The following ADGRB3 variants were observed in gnomAD, a reference collection of about 807,000 sequenced individuals.
ADGRB3 encodes the protein brain-specific angiogenesis inhibitor 3.
A neutral mutation model predicts 193.4 loss-of-function variants in ADGRB3; 37 were observed. The ratio of observed to expected loss-of-function variants is 0.19; its 90% CI spans 0.15 to 0.25. The LOEUF (loss-of-function observed/expected upper bound fraction) is 0.25, where lower values mean the gene tolerates loss of function less well. ADGRB3 is among the 10% of genes least tolerant of loss of function. ADGRB3 has a pLI of 1.00. For synonymous variants in ADGRB3, 690 were observed against 644.2 expected (o/e 1.07, Z -1.08); for missense variants, 1,637 against 1,852.9 (o/e 0.88, Z 2.14).
At chr6:68,917,955 CTTATT>C (rs1766928521) in intron 3 of ADGRB3, among the ~76,000 whole-genome samples, 1 of 152,096 alleles carries the variant, frequency 6.6e-6, no homozygotes, top group Non-Finnish European at 1.5e-5. Flanking sequence ...TTTAATATAA[CTTATT>C]TTAAGTCAAT....
At chr6:68,878,724 AT>A (rs1187327741) in intron 3 of ADGRB3, among the ~76,000 whole-genome samples, 3 of 152,142 alleles carry the variant, frequency 2.0e-5, no homozygotes, top group African/African-American at 7.2e-5. Context: ...ATGTATGTCC[AT>A]TTTCACACTA....
chr6:69,077,150 A>G (rs1265455213), intron 17 of ADGRB3, among the ~76,000 whole-genome samples: 2 of 152,042 alleles, frequency 1.3e-5, no homozygotes, highest in Non-Finnish European at 2.9e-5. Flanking sequence ...CCCTGTTGAT[A>G]ACATGAGCTG....
chr6:69,098,931 TTC>T (rs1301075302), intron 17 of ADGRB3, among the ~76,000 whole-genome samples: 4 of 152,260 alleles, frequency 2.6e-5, no homozygotes, highest in Non-Finnish European at 5.9e-5. Flanking sequence ...TGCCAACTAA[TTC>T]TCTGAGAACT....
chr6:68,897,764 G>A lies in ADGRB3; in HGVS notation c.758-32795G>A, dbSNP rs866143394. ...GAGGAAGGAAGGGAGGGAGGAAAAG[G>A]GAGGGAGGAAGGAAGGAAGGAAGGG... On this transcript the variant is annotated intron_variant, in intron 3 of 31. Coordinates refer to ENST00000370598, the MANE Select transcript of ADGRB3 (RefSeq NM_001704.3). Among the ~76,000 whole-genome samples the A allele has an allele frequency of 2.6e-3, 357 of 139,418 alleles. 11 individuals carry two copies. The highest frequency in any genetic ancestry group is 8.1e-3 in the African/African-American group (304 of 37,656). 91.5% of individuals were successfully genotyped at this position (139,418 alleles called of 152,430 possible).
Position 68,650,886 on chromosome 6 carries a change from T to C in ADGRB3, c.757+11454T>C, listed in dbSNP as rs568438067. ...GGCTGACTTTTCTTCTAGACTTCTATTGAAACAGCTTTATGATTTTTTTTG... is the reference window on the plus strand; with the variant it reads ...GGCTGACTTTTCTTCTAGACTTCTACTGAAACAGCTTTATGATTTTTTTTG... On this transcript the variant is annotated intron_variant, in intron 3 of 31. Coordinates refer to ENST00000370598, the MANE Select transcript of ADGRB3 (RefSeq NM_001704.3). Among the ~76,000 whole-genome samples the C allele has an allele frequency of 1.8e-4, 28 of 152,308 alleles. No individual in the cohort carries two copies. The South Asian group carries it at 5.0e-3, about 27-fold the overall frequency.
In ADGRB3 at chr6:68,944,522, G is replaced by A. The variant is rs554940667; in HGVS notation, c.1195+528G>A. The stretch of plus-strand genomic sequence containing the variant: ...TTTATGGGATTATGAAGTCTATACA[G>A]TCTGTTCTTAGAGTGTATTTATGTT... On this transcript the variant is annotated intron_variant, in intron 6 of 31. Coordinates refer to ENST00000370598, the MANE Select transcript of ADGRB3 (RefSeq NM_001704.3). Among the ~76,000 whole-genome samples the A allele has an allele frequency of 3.3e-5, 5 of 152,090 alleles. No homozygotes were observed. The South Asian group carries it at 8.3e-4, about 25-fold the overall frequency.
At chr6:69,215,798 T>G (rs1017969295) in intron 17 of ADGRB3, among the ~76,000 whole-genome samples, 1 of 152,212 alleles carries the variant, frequency 6.6e-6, no homozygotes, top group Non-Finnish European at 1.5e-5. Context: ...AAACCAAATT[T>G]CTCTGGCTTG....
chr6:69,324,758 A>G, intron 20 of ADGRB3, 114 bp from the exon 21 acceptor site: 1 of 1,157,562 alleles, frequency 8.6e-7, no homozygotes, highest in Non-Finnish European at 1.2e-6. Context: ...CACTGAGGAG[A>G]AGTAGATATT....
chr6:69,087,722 G>T (rs1168929840), intron 17 of ADGRB3, among the ~76,000 whole-genome samples: 6 of 152,090 alleles, frequency 3.9e-5, no homozygotes, highest in African/African-American at 1.4e-4. Flanking sequence ...TATGAAAAAA[G>T]AATAGGTAGA....
chr6:68,642,251 T>G (rs1418843146), intron 3 of ADGRB3, among the ~76,000 whole-genome samples: 2 of 152,142 alleles, frequency 1.3e-5, no homozygotes, highest in African/African-American at 2.4e-5. Flanking sequence ...TCTTCACACT[T>G]AGTAGATGTG....
At chr6:69,278,743 A>G (rs982807579) in intron 20 of ADGRB3, among the ~76,000 whole-genome samples, 5 of 151,984 alleles carry the variant, frequency 3.3e-5, no homozygotes, top group African/African-American at 7.2e-5. Flanking sequence ...ATGCTTTTCT[A>G]TCCTTTCTGA....
chr6:69,322,620 ATT>A (rs1768483846), intron 20 of ADGRB3, among the ~76,000 whole-genome samples: 2 of 151,840 alleles, frequency 1.3e-5, no homozygotes. Flanking sequence ...GATGTTGAGC[ATT>A]TTTCATACAC....
chr6:69,296,289 A>T (rs1446734189), intron 20 of ADGRB3, among the ~76,000 whole-genome samples: 1 of 152,196 alleles, frequency 6.6e-6, no homozygotes, highest in East Asian at 1.9e-4. Flanking sequence ...GGTTAATCAC[A>T]GTGAAAAACT....
chr6:68,760,566 A>G (rs1280433330), intron 3 of ADGRB3, among the ~76,000 whole-genome samples: 1 of 152,160 alleles, frequency 6.6e-6, no homozygotes, highest in East Asian at 1.9e-4. Flanking sequence ...CAAGGCAAAA[A>G]CTCAGGTTCA....
rs1279277883 is a variant in ADGRB3, at chr6:69,048,341, A to T, written c.2257+7A>T. 6.2e-7 allele frequency: 1 copy of T among 1,610,356 alleles called. No individual in the cohort carries two copies. Among genetic ancestry groups the T allele is most frequent in the Non-Finnish European group, 8.5e-7 (1 of 1,178,346 alleles). On this transcript the variant is annotated splice_region_variant and intron_variant, in intron 14 of 31. Coordinates refer to ENST00000370598, the MANE Select transcript of ADGRB3 (RefSeq NM_001704.3). ...ACTCCGGTGTCATCAAAAGGTAAAT[A>T]TCTGAAATAATATGAGCTTGAACAA...
intron 2 of ADGRB3, among the ~76,000 whole-genome samples, 165 bp from the exon 3 acceptor site, chr6:68,638,496 A>G (rs892039904): frequency 2.0e-5 from 3 of 152,170 alleles, no homozygotes; most frequent in African/African-American, 7.2e-5. Context: ...TCACACAGCA[A>G]CAGATAATTT....
intron 3 of ADGRB3, among the ~76,000 whole-genome samples, chr6:68,888,328 G>A (rs1020889541): frequency 6.6e-6 from 1 of 152,034 alleles, no homozygotes; most frequent in Non-Finnish European, 1.5e-5. Context: ...TACGGTAATA[G>A]CATTAAATAA....
intron 15 of ADGRB3, 104 bp downstream of exon 15, chr6:69,049,450 G>T: frequency 3.9e-6 from 3 of 778,076 alleles, no homozygotes; most frequent in South Asian, 4.1e-5. Context: ...TAATATGAAG[G>T]GATTTTTCTT....
At chr6:69,347,400 A>C (rs150087497) in intron 26 of ADGRB3, among the ~76,000 whole-genome samples, 1 of 152,306 alleles carries the variant, frequency 6.6e-6, no homozygotes, top group Non-Finnish European at 1.5e-5. Context: ...TTGGTTGCTA[A>C]AAGCTTTATC....
Sources: gnomAD v4.1 joint callset for allele counts (sites outside exome capture counted in the v4.1 genomes callset) on GRCh38, gnomAD v4.1.1 for gene constraint, MANE v1.5 for transcripts, NCBI Gene and HGNC (gene_info 2026-07-23, HGNC 2026-07-21) for gene names.